The following ETV3 variants were observed in gnomAD, a reference collection of about 807,000 sequenced individuals.
ETV3 encodes ETS variant transcription factor 3, also known as ETS translocation variant 3.
A neutral mutation model predicts 33.0 loss-of-function variants in ETV3; 8 were observed. The observed-to-expected ratio is 0.24, with a 90% CI of 0.14 to 0.44. The LOEUF (loss-of-function observed/expected upper bound fraction) is 0.44, where lower values mean the gene tolerates loss of function less well. Ranked by LOEUF, ETV3 falls within the 20% of genes least tolerant of loss-of-function variation. The pLI, the probability that ETV3 is intolerant of heterozygous loss-of-function variation, is 1.00. For synonymous variants in ETV3, 222 were observed against 238.9 expected (o/e 0.93, Z 0.65); for missense variants, 473 against 652.3 (o/e 0.73, Z 2.99).
rs1489072610 is a variant in ETV3 at position 157,124,202 on chromosome 1, A to G, written c.*639T>C. ...CATGTTTCCTGAAAACATTTTCTTT[A>G]AAAAGGAAAAGAAAAAAATGCCAAA... is the stretch of plus-strand genomic sequence containing the variant. On this transcript the variant is annotated 3_prime_UTR_variant, in exon 5 of 5. Coordinates refer to ENST00000368192, the MANE Select transcript of ETV3 (RefSeq NM_001145312.3). 6.7e-6 allele frequency: 1 copy of G among 148,362 alleles called. No individual in the cohort carries two copies. Among genetic ancestry groups the G allele is most frequent in the Non-Finnish European group, 1.5e-5 (1 of 67,476 alleles). The allele number at this position is 148,362 out of a possible 1,614,324, so 9.2% of individuals were successfully genotyped here. A position where few individuals can be genotyped will look rare whatever the true frequency, so the allele number is the denominator to read the frequency against.
In ETV3 at chr1:157,137,998, G is replaced by A. The variant is rs180770336; in HGVS notation, c.-14+318C>T. Among the ~76,000 whole-genome samples the A allele has an allele frequency of 1.8e-4, 28 of 152,282 alleles. 1 individual carries two copies. The highest frequency in any genetic ancestry group is 9.8e-4 in the Admixed American group (15 of 15,308). ...AAGAGTGAGGCATGCACAGTCTGGC[G>A]CTGCGGGTTTCCCGCAGCAGCTCCG... On this transcript the variant is annotated intron_variant, in intron 1 of 4. Transcript: ENST00000368192.
intron 4 of ETV3, among the ~76,000 whole-genome samples, chr1:157,132,744 C>A (rs988350258): frequency 1.8e-4 from 25 of 137,674 alleles, no homozygotes; most frequent in African/African-American, 6.7e-4. Flanking sequence ...CATTCCAATA[C>A]CACTTTTTTT....
chr1:157,128,596 A>C, intron 4 of ETV3: 1 of 236,788 alleles, frequency 4.2e-6, no homozygotes, highest in Non-Finnish European at 8.8e-6. Flanking sequence ...CCTTGGAACA[A>C]AAATGATCTT....
At chr1:157,138,149 C>T (rs1675169423) in intron 1 of ETV3, among the ~76,000 whole-genome samples, 167 bp downstream of exon 1, 1 of 152,174 alleles carries the variant, frequency 6.6e-6, no homozygotes. Flanking sequence ...CCTGTCGCCC[C>T]TCAGACAGAC....
chr1:157,135,488 C>T lies in ETV3; in HGVS notation c.267G>A (p.Lys89=), dbSNP rs1409168735. 8 of 1,613,890 alleles carry T rather than the reference C, an allele frequency of 5.0e-6. No homozygotes were observed. Among genetic ancestry groups the T allele is most frequent in the Non-Finnish European group, 5.9e-6 (7 of 1,179,918 alleles). The change falls in exon 3 of 5, where the codon AAG becomes AAA. Residue 89 remains lysine (K), a synonymous_variant. Coordinates refer to ENST00000368192, the MANE Select transcript of ETV3 (RefSeq NM_001145312.3). ...RKCKPQMNYD[K]LSRALRYYYN... is the part of the protein sequence containing the mutation. Reference sequence around the variant, plus strand: ...TTCCTTACCTGAGGGCCCGGCTCAGCTTGTCATAATTCATCTGTGGTTTGC... The same window carrying T: ...TTCCTTACCTGAGGGCCCGGCTCAGTTTGTCATAATTCATCTGTGGTTTGC...
chr1:157,125,677 C>T lies in ETV3; in HGVS notation c.703G>A (p.Ala235Thr), dbSNP rs553405510. ...RKPDIMLPLF[A>T]RPGMYPDPHS... ...GGGTCAGGGTACATCCCTGGCCTAG[C>T]AAACAGAGGAAGCATTATGTCAGGC... The change falls in exon 5 of 5, where the codon GCT (alanine) becomes ACT (threonine). Residue 235 changes from alanine (A) to threonine (T), a missense_variant. Around this residue, in one of 3 missense-constraint regions of ETV3, gnomAD observed 410 missense variants for 520.2 expected, o/e 0.79. Transcript: ENST00000368192. This position sits in a 1 kb window ranked among gnomAD's most constrained non-coding sequence, Gnocchi z 4.0. 2.3e-4 allele frequency: 358 copies of T among 1,551,648 alleles called. No individual in the cohort carries two copies. The highest frequency in any genetic ancestry group is 2.9e-4 in the Non-Finnish European group (337 of 1,147,002).
Position 157,136,313 on chromosome 1 carries a change from C to G in ETV3, c.40G>C (p.Gly14Arg). ...ATGATTAACTTCTGCTCACCTCCAC[C>G]TCCTTCTGGCTTTTCCACGATGCTA... Reference protein sequence around the residue: ...GCSIVEKPEGGGGYQFPDWAY... With the variant: ...GCSIVEKPEGRGGYQFPDWAY... Residue 14 changes from glycine (G) to arginine (R), a missense_variant, in exon 2 of 5, where the codon GGT becomes CGT. This residue lies in a region of ETV3 where 33 missense variants were observed against 37.1 expected (regional missense o/e 0.89). Coordinates refer to ENST00000368192, the MANE Select transcript of ETV3 (RefSeq NM_001145312.3). 1 of 1,612,202 alleles carries G rather than the reference C, an allele frequency of 6.2e-7. No individual in the cohort carries two copies. The highest frequency in any genetic ancestry group is 8.5e-7 in the Non-Finnish European group (1 of 1,179,286).
chr1:157,134,350 C>G, intron 3 of ETV3, 123 bp from the exon 4 acceptor site: 1 of 1,273,972 alleles, frequency 7.8e-7, no homozygotes, highest in Non-Finnish European at 1.0e-6. Flanking sequence ...CACTACCAAT[C>G]TTTCGCAGCC....
intron 3 of ETV3, 75 bp downstream of exon 3, chr1:157,135,396 T>C: frequency 6.5e-7 from 1 of 1,548,112 alleles, no homozygotes; most frequent in Non-Finnish European, 8.8e-7. Context: ...CTGATACCCT[T>C]TTTATCTAGC....
At chr1:157,137,322 C>T (rs910208019) in intron 1 of ETV3, among the ~76,000 whole-genome samples, 1 of 152,156 alleles carries the variant, frequency 6.6e-6, no homozygotes, top group Non-Finnish European at 1.5e-5. Flanking sequence ...GGAGAGAATG[C>T]CTAAGTGGCC....
At chr1:157,136,228 G>T (rs1675106278) in intron 2 of ETV3, 79 bp downstream of exon 2, 1 of 1,368,700 alleles carries the variant, frequency 7.3e-7, no homozygotes, top group South Asian at 1.2e-5. Context: ...TGACATTTGT[G>T]AACAGAGCTC....
rs1315827447 is a variant in ETV3 at position 157,123,559 on chromosome 1, T to G, written c.*1282A>C. The G allele has an allele frequency of 6.6e-6, 1 of 152,238 alleles. No homozygotes were observed. The highest frequency in any genetic ancestry group is 1.5e-5 in the Non-Finnish European group (1 of 68,054). 9.4% of individuals were successfully genotyped at this position (152,238 alleles called of 1,614,324 possible). A position where few individuals can be genotyped will look rare whatever the true frequency, so the allele number is the denominator to read the frequency against. On this transcript the variant is annotated 3_prime_UTR_variant, in exon 5 of 5. Transcript: ENST00000368192. Reference sequence around the variant, plus strand: ...CATCTGGGTGCCTTCTGTGTCTTCTTTCCACCTCTTCCTTCAGTCTCAACA... The same window carrying G: ...CATCTGGGTGCCTTCTGTGTCTTCTGTCCACCTCTTCCTTCAGTCTCAACA...
chr1:157,137,288 C>G (rs766494614), intron 1 of ETV3, among the ~76,000 whole-genome samples: 1 of 152,112 alleles, frequency 6.6e-6, no homozygotes, highest in Non-Finnish European at 1.5e-5. Flanking sequence ...GACAGGCCCT[C>G]AGCATCCACA....
rs1438113558 is a variant in ETV3, at chr1:157,121,267, GCT to G, written c.*3572_*3573del. Reference sequence around the variant, plus strand: ...TTCAACTTCCATAACAAAATACAGAGCTATCAGATACCCCTGGAAAAAATATG... The same window carrying G: ...TTCAACTTCCATAACAAAATACAGAGATCAGATACCCCTGGAAAAAATATG... On this transcript the variant is annotated 3_prime_UTR_variant, in exon 5 of 5. Transcript: ENST00000368192. 1 of 151,570 alleles carries G rather than the reference GCT, an allele frequency of 6.6e-6. No individual in the cohort carries two copies. The highest frequency in any genetic ancestry group is 1.5e-5 in the Non-Finnish European group (1 of 67,926). 9.4% of individuals were successfully genotyped at this position (151,570 alleles called of 1,614,324 possible).
At chr1:157,133,517 C>T in intron 4 of ETV3, 1 of 985,878 alleles carries the variant, frequency 1.0e-6, no homozygotes, top group Non-Finnish European at 1.2e-6. Context: ...AAAGCTATAA[C>T]CAGGAAAGTC....
intron 2 of ETV3, among the ~76,000 whole-genome samples, 196 bp downstream of exon 2, chr1:157,136,111 T>C (rs114308630): frequency 9.1e-4 from 138 of 152,298 alleles, no homozygotes; most frequent in Admixed American, 4.9e-3. Flanking sequence ...CTCTAAAGCT[T>C]AGGATATGGG....
At chr1:157,129,241 G>C (rs993858679) in intron 4 of ETV3, among the ~76,000 whole-genome samples, 8 of 152,214 alleles carry the variant, frequency 5.3e-5, no homozygotes, top group African/African-American at 1.9e-4. Context: ...GTGGGTTTAT[G>C]TGTAATATCA....
At chr1:157,135,220 A>G in intron 3 of ETV3, 4 of 594,676 alleles carry the variant, frequency 6.7e-6, no homozygotes, top group Non-Finnish European at 1.2e-5. Context: ...GAGCAGAATC[A>G]GCTGTCTGTC....
intron 4 of ETV3, among the ~76,000 whole-genome samples, chr1:157,130,078 G>A (rs887636861): frequency 2.0e-4 from 31 of 152,170 alleles, no homozygotes; most frequent in Non-Finnish European, 4.1e-4. Context: ...ACCTGACCTC[G>A]TGATCCGCCC....
Sources: gnomAD v4.1 joint callset for allele counts (sites outside exome capture counted in the v4.1 genomes callset) on GRCh38, gnomAD v4.1.1 for gene constraint, gnomAD v4.1.1 regional missense constraint, Gnocchi (gnomAD v3.1) non-coding constraint, MANE v1.5 for transcripts, NCBI Gene and HGNC (gene_info 2026-07-23, HGNC 2026-07-21) for gene names.